Variants in LMBRD1 observed in about 807,000 individuals in gnomAD.
The protein encoded by LMBRD1 is LMBR1 domain containing 1, also known as lysosomal cobalamin transport escort protein LMBD1.
LMBRD1 carries 64 observed loss-of-function variants against 74.8 expected under a neutral mutation model. The ratio of observed to expected loss-of-function variants is 0.86; its 90% CI spans 0.70 to 1.05. The LOEUF (loss-of-function observed/expected upper bound fraction) is 1.05, where lower values mean the gene tolerates loss of function less well. LMBRD1 is among the 50% of genes least tolerant of loss of function. The probability of loss-of-function intolerance (pLI) is 0.00; values close to 1 mark genes in which losing one functional copy is unlikely to be tolerated. For missense variants in LMBRD1, 652 were observed against 645.9 expected (o/e 1.01, Z -0.10); for synonymous variants, 204 against 216.3 (o/e 0.94, Z 0.50).
chr6:69,778,583 C>T (rs10945188), intron 3 of LMBRD1, among the ~76,000 whole-genome samples: 51,276 of 151,944 alleles, frequency 0.34, 9,713 homozygotes, highest in East Asian at 0.54. Context: ...ACTGGCTTAT[C>T]TCAACATATG....
rs183358264 is a variant in LMBRD1, at chr6:69,757,116, A to C, written c.308-4760T>G. Among the ~76,000 whole-genome samples, 158 of 152,380 alleles carry C rather than the reference A, an allele frequency of 1.0e-3. 1 individual carries two copies. The highest frequency in any genetic ancestry group is 8.0e-3 in the Admixed American group (123 of 15,314). ...AGCAAACTGAGTGATATATTCACAT[A>C]AAAGACGATCACACAGCAATAAAAA... On this transcript the variant is annotated intron_variant, in intron 3 of 15. Coordinates refer to ENST00000649934, the MANE Select transcript of LMBRD1 (RefSeq NM_018368.4).
intron 8 of LMBRD1, among the ~76,000 whole-genome samples, chr6:69,715,618 T>G (rs1284154139): frequency 6.6e-6 from 1 of 152,144 alleles, no homozygotes; most frequent in Non-Finnish European, 1.5e-5. Flanking sequence ...CCAATTACCA[T>G]ATTACCATTC....
chr6:69,733,815 C>A (rs553928613), intron 7 of LMBRD1, among the ~76,000 whole-genome samples: 1 of 152,196 alleles, frequency 6.6e-6, no homozygotes, highest in Non-Finnish European at 1.5e-5. Flanking sequence ...TCTCACTGAT[C>A]ATGATACAAC....
At chr6:69,744,293 T>C (rs911313919) in intron 5 of LMBRD1, among the ~76,000 whole-genome samples, 2 of 152,204 alleles carry the variant, frequency 1.3e-5, no homozygotes, top group South Asian at 2.1e-4. Flanking sequence ...TTTATGCCTA[T>C]TGTTCCATTA....
At chr6:69,735,148 T>C (rs879510319) in intron 7 of LMBRD1, among the ~76,000 whole-genome samples, 1 of 152,328 alleles carries the variant, frequency 6.6e-6, no homozygotes, top group South Asian at 2.1e-4. Context: ...TTATTCTTAG[T>C]TCAGGGTCAC....
chr6:69,709,263 T>C (rs1766331965), intron 9 of LMBRD1, among the ~76,000 whole-genome samples: 1 of 151,574 alleles, frequency 6.6e-6, no homozygotes, highest in African/African-American at 2.4e-5. Context: ...GAAACATTAA[T>C]TGAAAATTTG....
intron 3 of LMBRD1, among the ~76,000 whole-genome samples, chr6:69,757,504 A>T (rs1765291185): frequency 6.6e-6 from 1 of 152,202 alleles, no homozygotes; most frequent in Non-Finnish European, 1.5e-5. Context: ...ATCTTCTAAT[A>T]ATCTGTTCTT....
intron 6 of LMBRD1, 79 bp downstream of exon 6, chr6:69,741,710 T>C (rs1767106259): frequency 3.5e-6 from 3 of 866,490 alleles, no homozygotes; most frequent in Non-Finnish European, 1.9e-6. Context: ...CTTAACAAAA[T>C]ACAAATAAAC....
intron 10 of LMBRD1, 88 bp from the exon 11 acceptor site, chr6:69,701,633 C>T: frequency 1.3e-6 from 1 of 792,350 alleles, no homozygotes. Flanking sequence ...CATGCAAATA[C>T]ACCTGAGTCA....
At chr6:69,767,839 G>A (rs991111208) in intron 3 of LMBRD1, among the ~76,000 whole-genome samples, 1 of 151,754 alleles carries the variant, frequency 6.6e-6, no homozygotes, top group African/African-American at 2.4e-5. Context: ...TATCTATTTT[G>A]CCTATCAATT....
At chr6:69,737,883 T>C (rs1767008803) in intron 7 of LMBRD1, 59 bp downstream of exon 7, 4 of 1,038,534 alleles carry the variant, frequency 3.9e-6, no homozygotes, top group Non-Finnish European at 5.9e-6. Flanking sequence ...AATAAATTAC[T>C]AAGGTAAAAA....
At chr6:69,708,226 T>C (rs1443288734) in intron 9 of LMBRD1, among the ~76,000 whole-genome samples, 4 of 152,144 alleles carry the variant, frequency 2.6e-5, no homozygotes, top group Non-Finnish European at 5.9e-5. Context: ...ATATTATATA[T>C]AAAGGCTGTT....
In LMBRD1 at chr6:69,757,519, A is replaced by G. The variant is rs947884444; in HGVS notation, c.308-5163T>C. On this transcript the variant is annotated intron_variant, in intron 3 of 15. Transcript: ENST00000649934. Reference sequence around the variant, plus strand: ...ATCTTCTAATAATCTGTTCTTTCTCAGTGTCCTTTATAAAGATTTCTTCTT... The same window carrying G: ...ATCTTCTAATAATCTGTTCTTTCTCGGTGTCCTTTATAAAGATTTCTTCTT... 2.6e-5 allele frequency among the ~76,000 whole-genome samples: 4 copies of G among 152,220 alleles called. No homozygotes were observed. The East Asian group carries it at 7.7e-4, about 29-fold the overall frequency.
intron 5 of LMBRD1, among the ~76,000 whole-genome samples, chr6:69,744,000 G>A (rs1313366923): frequency 1.3e-5 from 2 of 152,142 alleles, no homozygotes; most frequent in Non-Finnish European, 2.9e-5. Context: ...CCCAACAGAT[G>A]AAAAGGCAAC....
intron 8 of LMBRD1, among the ~76,000 whole-genome samples, chr6:69,715,657 A>G (rs1441182337): frequency 1.3e-5 from 2 of 152,090 alleles, no homozygotes; most frequent in African/African-American, 4.8e-5. Flanking sequence ...ACTGTTAAGC[A>G]GTTAAATATC....
chr6:69,702,650 A>G (rs7742087), intron 9 of LMBRD1, among the ~76,000 whole-genome samples: 54,945 of 151,830 alleles, frequency 0.36, 10,533 homozygotes, highest in East Asian at 0.54. Flanking sequence ...AGAATATAAA[A>G]GAGTTGAAAT....
Position 69,784,469 on chromosome 6 carries a change from T to TG in LMBRD1, c.247-3916dup, listed in dbSNP as rs1445324416. 2.6e-5 allele frequency among the ~76,000 whole-genome samples: 4 copies of TG among 152,152 alleles called. No homozygotes were observed. In the East Asian group the frequency reaches 5.8e-4, roughly 22 times the overall value. On this transcript the variant is annotated intron_variant, in intron 2 of 15. Coordinates refer to ENST00000649934, the MANE Select transcript of LMBRD1 (RefSeq NM_018368.4). Reference sequence around the variant, plus strand: ...CATTCAGGAGCCATTTTGATCCCCATGGGGCATTTGACAATGTCCGGAGAC... The same window carrying TG: ...CATTCAGGAGCCATTTTGATCCCCATGGGGGCATTTGACAATGTCCGGAGAC...
intron 14 of LMBRD1, among the ~76,000 whole-genome samples, chr6:69,684,583 A>G (rs1765724873): frequency 6.6e-6 from 1 of 152,090 alleles, no homozygotes; most frequent in African/African-American, 2.4e-5. Flanking sequence ...CAGATATATA[A>G]GCACTTTTCA....
At chr6:69,751,835 C>T (rs1765165546) in intron 4 of LMBRD1, among the ~76,000 whole-genome samples, 1 of 152,156 alleles carries the variant, frequency 6.6e-6, no homozygotes, top group Non-Finnish European at 1.5e-5. Flanking sequence ...GACCATATAG[C>T]CCACAAATCC....
Sources: gnomAD v4.1 joint callset for allele counts (sites outside exome capture counted in the v4.1 genomes callset) on GRCh38, gnomAD v4.1.1 for gene constraint, MANE v1.5 for transcripts, NCBI Gene and HGNC (gene_info 2026-07-23, HGNC 2026-07-21) for gene names.